Variants in COA1 observed in about 807,000 individuals in gnomAD.
The protein encoded by COA1 is cytochrome c oxidase assembly factor 1 homolog.
A neutral mutation model predicts 16.0 loss-of-function variants in COA1; 13 were observed. That is an observed-to-expected ratio of 0.81 (90% CI 0.53 to 1.29). The LOEUF is 1.29. Among genes scored for constraint, COA1 ranks in the 50% most tolerant of loss-of-function variants. The pLI, the probability that COA1 is intolerant of heterozygous loss-of-function variation, is 0.00. For missense variants in COA1, 179 were observed against 177.0 expected, an observed-to-expected ratio of 1.01 and a Z score of -0.06; for synonymous variants, 65 against 65.7, an observed-to-expected ratio of 0.99 and a Z score of 0.05.
chr7:43,661,256 T>C (rs976765650), intron 1 of COA1, among the ~76,000 whole-genome samples: 12 of 152,190 alleles, frequency 7.9e-5, no homozygotes, highest in African/African-American at 1.9e-4. Flanking sequence ...ATCTAACACA[T>C]AGAATAGGAG....
At chr7:43,699,910 T>C (rs984801946) in intron 1 of COA1, among the ~76,000 whole-genome samples, 3 of 152,116 alleles carry the variant, frequency 2.0e-5, no homozygotes, top group African/African-American at 7.2e-5. Context: ...TGATTTTGGT[T>C]TGTCCTTTGA....
intron 1 of COA1, among the ~76,000 whole-genome samples, chr7:43,674,415 T>C (rs187476869): frequency 6.6e-6 from 1 of 152,356 alleles, no homozygotes; most frequent in African/African-American, 2.4e-5. Flanking sequence ...TTCCATATAA[T>C]ACAACGTTTG....
chr7:43,703,906 C>T (rs749541984), intron 1 of COA1, among the ~76,000 whole-genome samples: 1 of 152,108 alleles, frequency 6.6e-6, no homozygotes, highest in Admixed American at 6.6e-5. Context: ...AATATACTTG[C>T]TTTATTGTGT....
At chr7:43,638,896 C>G (rs531227063), downstream of COA1, 1 of 152,310 alleles carries the variant, frequency 6.6e-6, no homozygotes, top group African/African-American at 2.4e-5. Context: ...TAGCTTCAAA[C>G]TAACTTTCCT....
exon 7 of COA1, chr7:43,608,866 G>A (rs1253695409): frequency 6.6e-6 from 1 of 152,324 alleles, no homozygotes; most frequent in African/African-American, 2.4e-5. Context: ...TGATTTTTGA[G>A]CCAGGAATAT....
Position 43,715,006 on chromosome 7 carries a change from TAAAAAAAAAAAA to T in COA1, c.-39+14411_-39+14422del, listed in dbSNP as rs755827781. 5.4e-4 allele frequency among the ~76,000 whole-genome samples: 52 copies of T among 95,772 alleles called. 1 individual carries two copies. The highest frequency in any genetic ancestry group is 9.0e-4 in the Non-Finnish European group (45 of 50,214). 62.8% of individuals were successfully genotyped at this position (95,772 alleles called of 152,430 possible). A position where few individuals can be genotyped will look rare whatever the true frequency, so the allele number is the denominator to read the frequency against. On this transcript the variant is annotated intron_variant, in intron 1 of 5. Coordinates refer to ENST00000223336, the MANE Select transcript of COA1 (RefSeq NM_018224.4). ...TGGGCAAAAGAGTGAGCCTCTTGTC[TAAAAAAAAAAAA>T]AAAAAAAAAAAAAAGGAAACATTTA...
intron 1 of COA1, among the ~76,000 whole-genome samples, chr7:43,672,094 T>C (rs1282991022): frequency 6.6e-6 from 1 of 151,976 alleles, no homozygotes; most frequent in Non-Finnish European, 1.5e-5. Flanking sequence ...AACAACCCCA[T>C]ACAAAGAAGA....
chr7:43,682,154 A>G (rs139362123), intron 1 of COA1, among the ~76,000 whole-genome samples: 60 of 152,358 alleles, frequency 3.9e-4, no homozygotes, highest in African/African-American at 1.4e-3. Flanking sequence ...GGTATGAACA[A>G]CAGGAATAGA....
intron 4 of COA1, among the ~76,000 whole-genome samples, chr7:43,644,817 G>GAGAGAGAGAGACAGAGAGAGAGAGAC (rs2088712765): frequency 7.9e-6 from 1 of 126,612 alleles, no homozygotes; most frequent in Non-Finnish European, 1.9e-5. Flanking sequence ...GAGAGAGAGA[G>GAGAGAGAGAGACAGAGAGAGAGAGAC]AGAGAGAGAG....
chr7:43,613,406 A>G (rs540434593), intron 6 of COA1, among the ~76,000 whole-genome samples: 1 of 152,346 alleles, frequency 6.6e-6, no homozygotes, highest in East Asian at 1.9e-4. Context: ...CAAATACTGT[A>G]CCATTTCCTA....
In COA1 at chr7:43,645,400, C is replaced by CT. The variant is rs751378300; in HGVS notation, c.116-2dup. On this transcript the variant is annotated splice_acceptor_variant, in intron 3 of 5. Coordinates refer to ENST00000223336, the MANE Select transcript of COA1 (RefSeq NM_018224.4). LOFTEE classifies it high-confidence loss of function. ...TAATATAAAGCCCTGGAATGAAACT[C>CT]TAAGGACGAAAGACACACTTATTTT... 13 of 1,613,742 alleles carry CT rather than the reference C, an allele frequency of 8.1e-6. No homozygotes were observed. The highest frequency in any genetic ancestry group is 1.7e-5 in the Admixed American group (1 of 60,010).
At chr7:43,705,887 A>C (rs1370879741) in intron 1 of COA1, among the ~76,000 whole-genome samples, 3 of 152,158 alleles carry the variant, frequency 2.0e-5, no homozygotes, top group Non-Finnish European at 4.4e-5. Context: ...GCCAGCGACA[A>C]ACCGACAAAC....
At chr7:43,650,711 T>G (rs2153107218) in intron 1 of COA1, 1 of 151,468 alleles carries the variant, frequency 6.6e-6, no homozygotes, top group South Asian at 2.1e-4. Flanking sequence ...GTGGCAAACA[T>G]CCTGTATTAA....
At chr7:43,624,018 G>GA in intron 6 of COA1, 1 of 608,454 alleles carries the variant, frequency 1.6e-6, no homozygotes, top group Non-Finnish European at 2.5e-6. Context: ...CACCATAATG[G>GA]AAACACAAAA....
intron 1 of COA1, among the ~76,000 whole-genome samples, chr7:43,698,440 C>T (rs951013353): frequency 1.3e-5 from 2 of 152,148 alleles, no homozygotes; most frequent in Admixed American, 1.3e-4. Flanking sequence ...CCTCTCAATG[C>T]CATGGTTTCC....
chr7:43,683,714 T>C (rs561066953), intron 1 of COA1, among the ~76,000 whole-genome samples: 1 of 152,366 alleles, frequency 6.6e-6, no homozygotes, highest in South Asian at 2.1e-4. Context: ...TGCCAGGTAC[T>C]GTTTTAAGTG....
rs771910907 is a variant in COA1 at position 43,645,408 on chromosome 7, G to A, written c.116-9C>T. 9 of 1,613,154 alleles carry A rather than the reference G, an allele frequency of 5.6e-6. No homozygotes were observed. The highest frequency in any genetic ancestry group is 4.0e-5 in the African/African-American group (3 of 75,000). On this transcript the variant is annotated splice_polypyrimidine_tract_variant and intron_variant, in intron 3 of 5. Coordinates refer to ENST00000223336, the MANE Select transcript of COA1 (RefSeq NM_018224.4). The stretch of plus-strand genomic sequence containing the variant: ...AGCCCTGGAATGAAACTCTAAGGAC[G>A]AAAGACACACTTATTTTCTTTATTG...
chr7:43,685,743 A>G (rs2093993709), intron 1 of COA1, among the ~76,000 whole-genome samples: 1 of 152,188 alleles, frequency 6.6e-6, no homozygotes, highest in African/African-American at 2.4e-5. Flanking sequence ...GTCTCACCAA[A>G]TTAACACCAC....
chr7:43,707,362 G>T (rs2095030981), intron 1 of COA1, among the ~76,000 whole-genome samples: 1 of 152,116 alleles, frequency 6.6e-6, no homozygotes, highest in South Asian at 2.1e-4. Flanking sequence ...AAACTGAGTG[G>T]TTCTTTTTTT....
Sources: gnomAD v4.1 joint callset for allele counts (sites outside exome capture counted in the v4.1 genomes callset) on GRCh38, gnomAD v4.1.1 for gene constraint, MANE v1.5 for transcripts, NCBI Gene and HGNC (gene_info 2026-07-23, HGNC 2026-07-21) for gene names.